The following ADGRE1 variants were observed in gnomAD, a reference collection of about 807,000 sequenced individuals.
The protein encoded by ADGRE1 is adhesion G protein-coupled receptor E1.
A neutral mutation model predicts 102.7 loss-of-function variants in ADGRE1; 82 were observed. That is an observed-to-expected ratio of 0.80 (90% CI 0.67 to 0.96). The LOEUF is 0.96. Among genes scored for constraint, ADGRE1 ranks in the 40% least tolerant of loss-of-function variants. ADGRE1 has a pLI of 0.00. For synonymous variants in ADGRE1, 398 were observed against 399.6 expected (o/e 1.00, Z 0.05); for missense variants, 1,032 against 1,085.3 (o/e 0.95, Z 0.69).
rs1312735858 is a variant in ADGRE1, at chr19:6,901,261, G to A, written c.515-614G>A. Among the ~76,000 whole-genome samples the A allele has an allele frequency of 5.3e-5, 8 of 152,296 alleles. No homozygotes were observed. In the South Asian group the frequency reaches 1.4e-3, roughly 28 times the overall value. On this transcript the variant is annotated intron_variant, in intron 5 of 20. Transcript: ENST00000312053. ...ATTGTTACATTATTACAAGGAGGAG[G>A]GAATGGGTCTCACATGTCTGGGGCT...
chr19:6,894,223 C>G (rs1182612582), intron 2 of ADGRE1, among the ~76,000 whole-genome samples: 2 of 152,148 alleles, frequency 1.3e-5, no homozygotes, highest in African/African-American at 4.8e-5. Context: ...TTGGAAGGGT[C>G]TGTTATTCTG....
intron 16 of ADGRE1, among the ~76,000 whole-genome samples, chr19:6,927,040 C>T (rs1321448694): frequency 7.0e-6 from 1 of 143,116 alleles, no homozygotes; most frequent in Admixed American, 7.1e-5. Flanking sequence ...GCCTGGGGGA[C>T]AAGAGCGAGA....
At chr19:6,921,921 T>G (rs908683139) in intron 14 of ADGRE1, 38 bp downstream of exon 14, 1 of 1,572,212 alleles carries the variant, frequency 6.4e-7, no homozygotes, top group African/African-American at 1.4e-5. Context: ...GCAGAGTATC[T>G]GCCTCCAAAT....
chr19:6,921,701 T>TG lies in ADGRE1; in HGVS notation c.1621-11dup, dbSNP rs775902153. 81 of 1,545,726 alleles carry TG rather than the reference T, an allele frequency of 5.2e-5. No individual in the cohort carries two copies. Among genetic ancestry groups the TG allele is most frequent in the Admixed American group, 1.4e-4 (7 of 49,038 alleles). Reference sequence around the variant, plus strand: ...GAAGACCTTTGTTTTTTTGTTTTTTTGTTTTTTTTAGCCAAAGCAGAAGTT... The same window carrying TG: ...GAAGACCTTTGTTTTTTTGTTTTTTTGGTTTTTTTTAGCCAAAGCAGAAGTT... On this transcript the variant is annotated splice_polypyrimidine_tract_variant and intron_variant, in intron 13 of 20. Transcript: ENST00000312053.
intron 10 of ADGRE1, among the ~76,000 whole-genome samples, chr19:6,910,387 A>G (rs1249837493): frequency 6.6e-6 from 1 of 152,104 alleles, no homozygotes; most frequent in Non-Finnish European, 1.5e-5. Context: ...TGAGCGACTC[A>G]TAAATCCAAT....
In ADGRE1 at chr19:6,911,385, G is replaced by GTTTTTTTTTTTTTTTTTTTTTTTTT. The variant is rs772959056; in HGVS notation, c.1123-2248_1123-2247insTTTTTTTTTTTTTTTTTTTTTTTTT. Among the ~76,000 whole-genome samples the GTTTTTTTTTTTTTTTTTTTTTTTTT allele has an allele frequency of 4.6e-4, 37 of 79,842 alleles. 2 individuals carry two copies. Among genetic ancestry groups the GTTTTTTTTTTTTTTTTTTTTTTTTT allele is most frequent in the Non-Finnish European group, 7.2e-4 (31 of 42,808 alleles). 52.4% of individuals were successfully genotyped at this position (79,842 alleles called of 152,430 possible). ...TTTATTAGGTTCTGGATTCCTTTTAGTTTTTTTTTTTTTTTTTTTTGCTTG... is the reference window on the plus strand; with the variant it reads ...TTTATTAGGTTCTGGATTCCTTTTAGTTTTTTTTTTTTTTTTTTTTTTTTTTTTTTTTTTTTTTTTTTTTTGCTTG... On this transcript the variant is annotated intron_variant, in intron 10 of 20. Coordinates refer to ENST00000312053, the MANE Select transcript of ADGRE1 (RefSeq NM_001974.5).
intron 17 of ADGRE1, among the ~76,000 whole-genome samples, chr19:6,929,600 G>C (rs1484554605): frequency 6.6e-6 from 1 of 151,884 alleles, no homozygotes; most frequent in South Asian, 2.1e-4. Flanking sequence ...TCGGCTCACT[G>C]CAACCTCTGC....
intron 19 of ADGRE1, 39 bp from the exon 20 acceptor site, chr19:6,937,505 C>A: frequency 6.2e-7 from 1 of 1,606,660 alleles, no homozygotes. Flanking sequence ...TGTCACTGGA[C>A]CATTTCCCTG....
chr19:6,906,090 T>G lies in ADGRE1; in HGVS notation c.950-343T>G, dbSNP rs566214360. 2.4e-4 allele frequency among the ~76,000 whole-genome samples: 36 copies of G among 152,374 alleles called. 1 individual carries two copies. Among genetic ancestry groups the G allele is most frequent in the Non-Finnish European group, 4.0e-4 (27 of 68,032 alleles). On this transcript the variant is annotated intron_variant, in intron 8 of 20. Transcript: ENST00000312053. ...TATGTATGACTTCTCTAATTTGCTC[T>G]GTTTCACTCAATATCATGCCTCTTA...
At chr19:6,931,399 T>A (rs1975143420) in intron 17 of ADGRE1, among the ~76,000 whole-genome samples, 1 of 152,122 alleles carries the variant, frequency 6.6e-6, no homozygotes, top group African/African-American at 2.4e-5. Context: ...GTTTCACAGT[T>A]CTGGAGGCTT....
At chr19:6,924,363 A>G (rs976107891) in intron 14 of ADGRE1, among the ~76,000 whole-genome samples, 3 of 152,154 alleles carry the variant, frequency 2.0e-5, no homozygotes, top group African/African-American at 7.2e-5. Context: ...AAACCTTCAC[A>G]GATGTATCTC....
At chr19:6,915,900 G>T (rs1974354375) in intron 11 of ADGRE1, among the ~76,000 whole-genome samples, 1 of 116,246 alleles carries the variant, frequency 8.6e-6, no homozygotes, top group African/African-American at 3.2e-5. Flanking sequence ...CAGCCTAAGT[G>T]ACAGAGTGAG....
intron 14 of ADGRE1, among the ~76,000 whole-genome samples, chr19:6,923,141 C>A (rs1399234902): frequency 6.6e-6 from 1 of 152,130 alleles, no homozygotes; most frequent in Non-Finnish European, 1.5e-5. Context: ...ACCAGAGAGG[C>A]CATAAGTAAG....
chr19:6,921,994 A>G lies in ADGRE1; in HGVS notation c.1791+111A>G. On this transcript the variant is annotated intron_variant, in intron 14 of 20. Coordinates refer to ENST00000312053, the MANE Select transcript of ADGRE1 (RefSeq NM_001974.5). ...CTCCCATGGGGTTGGGTGTTGTGGG[A>G]TGGAGTCACGGGGACAGAAGGGGTA... 3 of 1,314,532 alleles carry G rather than the reference A, an allele frequency of 2.3e-6. No homozygotes were observed. In the Admixed American group the frequency reaches 6.6e-5, roughly 29 times the overall value. 81.4% of individuals were successfully genotyped at this position (1,314,532 alleles called of 1,614,324 possible).
chr19:6,926,882 G>A (rs1290282398), intron 16 of ADGRE1, among the ~76,000 whole-genome samples: 4 of 152,026 alleles, frequency 2.6e-5, no homozygotes, highest in African/African-American at 9.7e-5. Flanking sequence ...ATGACATGGG[G>A]GGTGGTGGGG....
chr19:6,900,059 G>A lies in ADGRE1; in HGVS notation c.515-1816G>A, dbSNP rs184783134. ...CAGTGAGCCGAGATCACACCACTGC[G>A]CTCCAGCCTGGGTGACAGAGCGAGA... On this transcript the variant is annotated intron_variant, in intron 5 of 20. Coordinates refer to ENST00000312053, the MANE Select transcript of ADGRE1 (RefSeq NM_001974.5). Among the ~76,000 whole-genome samples the A allele has an allele frequency of 2.2e-3, 324 of 149,508 alleles. 1 individual carries two copies. Among genetic ancestry groups the A allele is most frequent in the Non-Finnish European group, 3.4e-3 (227 of 67,476 alleles).
At chr19:6,928,013 C>T (rs574398538) in intron 16 of ADGRE1, 132 bp from the exon 17 acceptor site, 68 of 1,149,520 alleles carry the variant, frequency 5.9e-5, no homozygotes, top group South Asian at 5.7e-4. Flanking sequence ...GAACTGCAAC[C>T]GGGACCATCC....
At chr19:6,906,329 A>G (rs1437303884) in intron 8 of ADGRE1, 104 bp from the exon 9 acceptor site, 4 of 930,744 alleles carry the variant, frequency 4.3e-6, no homozygotes, top group Non-Finnish European at 6.8e-6. Flanking sequence ...AGGGTAATAG[A>G]TGGATTTTAA....
chr19:6,927,061 GA>G (rs1330277967), intron 16 of ADGRE1, among the ~76,000 whole-genome samples: 1 of 146,130 alleles, frequency 6.8e-6, no homozygotes, highest in Non-Finnish European at 1.5e-5. Flanking sequence ...CTTCATCTCA[GA>G]AAAAAGTGGG....
Sources: allele counts gnomAD v4.1 joint callset (sites outside exome capture counted in the v4.1 genomes callset), GRCh38; gene constraint gnomAD v4.1.1; transcripts MANE v1.5; gene names NCBI Gene and HGNC (gene_info 2026-07-23, HGNC 2026-07-21).